The following SLC25A21 variants were observed in gnomAD, a reference collection of about 807,000 sequenced individuals.
SLC25A21 encodes the protein mitochondrial 2-oxodicarboxylate carrier.
A neutral mutation model predicts 43.8 loss-of-function variants in SLC25A21; 47 were observed. The ratio of observed to expected loss-of-function variants is 1.07; its 90% CI spans 0.85 to 1.37. SLC25A21 has a LOEUF of 1.37. Ranked by LOEUF, SLC25A21 falls within the 40% of genes most tolerant of loss-of-function variation. SLC25A21 has a pLI of 0.00. For synonymous variants in SLC25A21, 131 were observed against 121.3 expected (o/e 1.08, Z -0.52); for missense variants, 352 against 350.2 (o/e 1.00, Z -0.04).
At chr14:37,169,536 A>C (rs1964085961) in intron 1 of SLC25A21, among the ~76,000 whole-genome samples, 1 of 151,252 alleles carries the variant, frequency 6.6e-6, no homozygotes. Context: ...TTTTCACCTA[A>C]GAAAGCCAGA....
chr14:36,993,676 C>T (rs1960310879), intron 1 of SLC25A21, among the ~76,000 whole-genome samples: 1 of 152,124 alleles, frequency 6.6e-6, no homozygotes, highest in Non-Finnish European at 1.5e-5. Flanking sequence ...CATTTCCAGA[C>T]AATACATCTT....
At chr14:36,999,389 T>C (rs1960438709) in intron 1 of SLC25A21, among the ~76,000 whole-genome samples, 1 of 152,102 alleles carries the variant, frequency 6.6e-6, no homozygotes, top group African/African-American at 2.4e-5. Context: ...GGGGAGGGAT[T>C]AATTGGCAGA....
At chr14:37,107,523 A>G (rs921602153) in intron 1 of SLC25A21, among the ~76,000 whole-genome samples, 1 of 152,004 alleles carries the variant, frequency 6.6e-6, no homozygotes, top group African/African-American at 2.4e-5. Context: ...AACATTTCCT[A>G]TTTTTAAAAA....
intron 1 of SLC25A21, among the ~76,000 whole-genome samples, chr14:37,115,916 C>T (rs1019497782): frequency 7.9e-5 from 12 of 152,190 alleles, no homozygotes; most frequent in Admixed American, 4.6e-4. Flanking sequence ...AAAGATTAAA[C>T]GTTTCTTCTA....
At chr14:36,834,668 A>G (rs185162336) in intron 2 of SLC25A21, among the ~76,000 whole-genome samples, 1 of 152,188 alleles carries the variant, frequency 6.6e-6, no homozygotes, top group Non-Finnish European at 1.5e-5. Flanking sequence ...GTCTTGTGAA[A>G]CAGGAAAAGG....
chr14:36,895,114 G>A (rs1891199374), intron 1 of SLC25A21, among the ~76,000 whole-genome samples: 1 of 152,168 alleles, frequency 6.6e-6, no homozygotes, highest in Non-Finnish European at 1.5e-5. Flanking sequence ...CAGAAGGAAT[G>A]GTATCAGCTC....
chr14:36,880,510 G>C (rs1890684416), intron 1 of SLC25A21, among the ~76,000 whole-genome samples: 1 of 152,136 alleles, frequency 6.6e-6, no homozygotes, highest in South Asian at 2.1e-4. Flanking sequence ...CGAGGACAGA[G>C]ACTCCATCTG....
At chr14:37,043,944 T>TTTTG (rs1410532729) in intron 1 of SLC25A21, among the ~76,000 whole-genome samples, 2 of 150,478 alleles carry the variant, frequency 1.3e-5, no homozygotes, top group Admixed American at 6.6e-5. Flanking sequence ...TTTTTTGTTT[T>TTTTG]TTTTTTTTTT....
At chr14:36,916,442 C>T (rs1891835023) in intron 1 of SLC25A21, among the ~76,000 whole-genome samples, 1 of 152,104 alleles carries the variant, frequency 6.6e-6, no homozygotes, top group South Asian at 2.1e-4. Context: ...TGTTTTAGCA[C>T]AAAACAAACA....
intron 1 of SLC25A21, among the ~76,000 whole-genome samples, chr14:36,974,166 A>T (rs896149474): frequency 3.9e-5 from 6 of 152,256 alleles, no homozygotes; most frequent in African/African-American, 1.4e-4. Context: ...TTCCAGTGTT[A>T]CATAAACTAA....
rs1390706950 is a variant in SLC25A21, at chr14:36,983,882, C to T, written c.71-108878G>A. ...GAGGGCATTATCCTATGTGAAATAA[C>T]TCTGAAATGGAAAGTCAATTACTAC... On this transcript the variant is annotated intron_variant, in intron 1 of 9. Transcript: ENST00000331299. 3.9e-5 allele frequency among the ~76,000 whole-genome samples: 6 copies of T among 152,152 alleles called. No homozygotes were observed. In the East Asian group the frequency reaches 1.2e-3, roughly 29 times the overall value.
intron 1 of SLC25A21, among the ~76,000 whole-genome samples, chr14:36,878,664 C>T (rs1890618504): frequency 6.6e-6 from 1 of 152,118 alleles, no homozygotes; most frequent in Admixed American, 6.6e-5. Context: ...AAATAATGAG[C>T]TAGTGAGCAC....
Position 36,759,138 on chromosome 14 carries a change from A to AT in SLC25A21, c.204-24566dup, listed in dbSNP as rs200115144. ...GCCCCTAATGCACAACTCTTGTAGGATTTTTTTTTAAAACCCTGCAAAGAG... is the reference window on the plus strand; with the variant it reads ...GCCCCTAATGCACAACTCTTGTAGGATTTTTTTTTTAAAACCCTGCAAAGAG... On this transcript the variant is annotated intron_variant, in intron 3 of 9. Transcript: ENST00000331299. Among the ~76,000 whole-genome samples the AT allele has an allele frequency of 1.3e-4, 20 of 151,732 alleles. 1 individual carries two copies. The East Asian group carries it at 2.5e-3, about 19-fold the overall frequency.
In SLC25A21 at chr14:36,779,609, C is replaced by CATATATATATAT. The variant is rs35392668; in HGVS notation, c.203+34297_203+34308dup. Among the ~76,000 whole-genome samples, 138 of 122,456 alleles carry CATATATATATAT rather than the reference C, an allele frequency of 1.1e-3. 2 individuals carry two copies. Among genetic ancestry groups the CATATATATATAT allele is most frequent in the Non-Finnish European group, 1.9e-3 (110 of 57,356 alleles). 80.3% of individuals were successfully genotyped at this position (122,456 alleles called of 152,430 possible). A position where few individuals can be genotyped will look rare whatever the true frequency, so the allele number is the denominator to read the frequency against. On this transcript the variant is annotated intron_variant, in intron 3 of 9. Transcript: ENST00000331299. ...AAAGAAAGGAATGTATATGTGTATA[C>CATATATATATAT]ATATATATATATATATATATATATA...
At chr14:36,819,814 G>A (rs1044558892) in intron 2 of SLC25A21, among the ~76,000 whole-genome samples, 12 of 151,738 alleles carry the variant, frequency 7.9e-5, no homozygotes, top group South Asian at 2.1e-4. Flanking sequence ...AAAAGTAATC[G>A]TGGTTTTGGC....
chr14:37,148,343 T>C lies in SLC25A21; in HGVS notation c.70+23938A>G, dbSNP rs952087544. On this transcript the variant is annotated intron_variant, in intron 1 of 9. Transcript: ENST00000331299. ...GTAGCTACACATTGTATATTTTATA[T>C]TGATTGTATGTCAGATTTCTATTAT... Among the ~76,000 whole-genome samples, 12 of 152,334 alleles carry C rather than the reference T, an allele frequency of 7.9e-5. No homozygotes were observed. The East Asian group carries it at 2.3e-3, about 29-fold the overall frequency.
chr14:37,052,023 G>A (rs1039880875), intron 1 of SLC25A21, among the ~76,000 whole-genome samples: 1 of 152,144 alleles, frequency 6.6e-6, no homozygotes, highest in Non-Finnish European at 1.5e-5. Flanking sequence ...GTGAAAAGGT[G>A]GTTTGCTTTA....
intron 1 of SLC25A21, among the ~76,000 whole-genome samples, chr14:36,930,619 A>G (rs1892261398): frequency 6.6e-6 from 1 of 152,100 alleles, no homozygotes; most frequent in Non-Finnish European, 1.5e-5. Context: ...ATCATCTATA[A>G]CCCAAACTCA....
At chr14:36,922,244 T>C (rs1892001754) in intron 1 of SLC25A21, among the ~76,000 whole-genome samples, 2 of 151,860 alleles carry the variant, frequency 1.3e-5, no homozygotes, top group South Asian at 2.1e-4. Flanking sequence ...CATAAACAAC[T>C]AGAAAACTGG....
Sources: gnomAD v4.1 joint callset for allele counts (sites outside exome capture counted in the v4.1 genomes callset) on GRCh38, gnomAD v4.1.1 for gene constraint, MANE v1.5 for transcripts, NCBI Gene and HGNC (gene_info 2026-07-23, HGNC 2026-07-21) for gene names.